The following RNF169 variants were observed in gnomAD, a reference collection of about 807,000 sequenced individuals.
RNF169 encodes E3 ubiquitin-protein ligase RNF169.
RNF169 carries 24 observed loss-of-function variants against 53.9 expected under a neutral mutation model. That is an observed-to-expected ratio of 0.45 (90% CI 0.32 to 0.63). The LOEUF (loss-of-function observed/expected upper bound fraction) is 0.63, where lower values mean the gene tolerates loss of function less well. Ranked by LOEUF, RNF169 falls within the 20% of genes least tolerant of loss-of-function variation. RNF169 has a pLI of 0.04. For missense variants in RNF169, 883 were observed against 906.2 expected, an observed-to-expected ratio of 0.97 and a Z score of 0.33; for synonymous variants, 396 against 363.5, an observed-to-expected ratio of 1.09 and a Z score of -1.02.
intron 1 of RNF169, among the ~76,000 whole-genome samples, chr11:74,787,839 A>G (rs1434037106): frequency 3.3e-5 from 5 of 152,218 alleles, no homozygotes; most frequent in African/African-American, 9.6e-5. Context: ...AATGATATAT[A>G]TGCAAGATAT....
intron 1 of RNF169, among the ~76,000 whole-genome samples, chr11:74,779,516 A>G (rs2035385731): frequency 1.3e-5 from 2 of 152,302 alleles, no homozygotes; most frequent in African/African-American, 2.4e-5. Flanking sequence ...TTTGTTTAAG[A>G]CAGTCGGTAC....
intron 2 of RNF169, among the ~76,000 whole-genome samples, chr11:74,809,222 C>T (rs2035843172): frequency 6.6e-6 from 1 of 151,726 alleles, no homozygotes. Flanking sequence ...TATTAGTAGC[C>T]TATAATTGCT....
intron 2 of RNF169, among the ~76,000 whole-genome samples, chr11:74,798,088 T>C (rs2035674878): frequency 6.6e-6 from 1 of 152,160 alleles, no homozygotes; most frequent in Non-Finnish European, 1.5e-5. Flanking sequence ...CATGTAATAA[T>C]TGCATTAACT....
intron 4 of RNF169, among the ~76,000 whole-genome samples, chr11:74,833,466 CAGG>C (rs1311072362): frequency 6.6e-6 from 1 of 152,196 alleles, no homozygotes; most frequent in African/African-American, 2.4e-5. Flanking sequence ...GAACATGCTA[CAGG>C]AGGACTTTTC....
intron 1 of RNF169, among the ~76,000 whole-genome samples, chr11:74,760,245 T>C (rs1158696674): frequency 6.6e-6 from 1 of 152,180 alleles, no homozygotes; most frequent in African/African-American, 2.4e-5. Context: ...ATTTTGTTGA[T>C]CCTTTCAAAA....
chr11:74,796,680 GA>G (rs2035654011), intron 2 of RNF169, among the ~76,000 whole-genome samples: 3 of 151,922 alleles, frequency 2.0e-5, no homozygotes, highest in African/African-American at 7.3e-5. Flanking sequence ...TGGGGGAAAA[GA>G]TTGAAGGTGG....
rs561891285 is a variant in RNF169, at chr11:74,835,802, G to T, written c.1199G>T (p.Arg400Leu). 1 of 1,614,148 alleles carries T rather than the reference G, an allele frequency of 6.2e-7. No individual in the cohort carries two copies. The highest frequency in any genetic ancestry group is 2.2e-5 in the East Asian group (1 of 44,892). The change falls in exon 6 of 6, where the codon CGT becomes CTT. Residue 400 changes from arginine (R) to leucine (L), a missense_variant. Coordinates refer to ENST00000299563, the MANE Select transcript of RNF169 (RefSeq NM_001098638.2). ...CCTCCCAAGAGACTCCCTGATGGCCGTGTGCTAAGTCCTCTCATCATCAAA... is the reference window on the plus strand; with the variant it reads ...CCTCCCAAGAGACTCCCTGATGGCCTTGTGCTAAGTCCTCTCATCATCAAA... The part of the protein sequence containing the change: ...CTPPKRLPDG[R>L]VLSPLIIKST...
intron 2 of RNF169, among the ~76,000 whole-genome samples, chr11:74,793,292 G>C (rs2135089686): frequency 6.6e-6 from 1 of 152,290 alleles, no homozygotes; most frequent in Non-Finnish European, 1.5e-5. Context: ...TTCTAAAACA[G>C]ATCTCAGTAG....
chr11:74,837,602 A>C lies in RNF169; in HGVS notation c.*872A>C, dbSNP rs1024707081. 1.3e-5 allele frequency: 2 copies of C among 152,248 alleles called. No individual in the cohort carries two copies. Among genetic ancestry groups the C allele is most frequent in the Non-Finnish European group, 2.9e-5 (2 of 68,042 alleles). The allele number at this position is 152,248 out of a possible 1,614,324, so 9.4% of individuals were successfully genotyped here. A position where few individuals can be genotyped will look rare whatever the true frequency, so the allele number is the denominator to read the frequency against. On this transcript the variant is annotated 3_prime_UTR_variant, in exon 6 of 6. Coordinates refer to ENST00000299563, the MANE Select transcript of RNF169 (RefSeq NM_001098638.2). The stretch of plus-strand genomic sequence containing the variant: ...TATATGTGCATTATCCCCATCCCCC[A>C]CAGTTTAGAGCCTTCTGCTTTTCTG...
At chr11:74,828,341 A>C (rs904423056) in intron 4 of RNF169, among the ~76,000 whole-genome samples, 1 of 152,212 alleles carries the variant, frequency 6.6e-6, no homozygotes, top group African/African-American at 2.4e-5. Flanking sequence ...GACCCAAACA[A>C]ATGGAAAAAC....
chr11:74,768,980 C>T (rs995826976), intron 1 of RNF169, among the ~76,000 whole-genome samples: 4 of 151,948 alleles, frequency 2.6e-5, no homozygotes, highest in East Asian at 1.9e-4. Context: ...CCAGGAGTTT[C>T]GGGCTGCAGT....
chr11:74,754,625 A>C (rs1565168159), intron 1 of RNF169, among the ~76,000 whole-genome samples: 1 of 152,182 alleles, frequency 6.6e-6, no homozygotes, highest in Non-Finnish European at 1.5e-5. Context: ...GTTTGAGACC[A>C]GCCTGGCCAA....
chr11:74,756,000 GAT>G (rs1056775990), intron 1 of RNF169, among the ~76,000 whole-genome samples: 3 of 152,152 alleles, frequency 2.0e-5, no homozygotes, highest in African/African-American at 7.2e-5. Flanking sequence ...GAAGAGGAAA[GAT>G]GTGAGTAGAA....
chr11:74,799,268 G>A (rs2035695525), intron 2 of RNF169, among the ~76,000 whole-genome samples: 1 of 151,934 alleles, frequency 6.6e-6, no homozygotes. Context: ...TAAGGAGAAG[G>A]AAAAATTCTC....
intron 1 of RNF169, among the ~76,000 whole-genome samples, chr11:74,775,241 A>G (rs534896265): frequency 8.1e-4 from 124 of 152,258 alleles, no homozygotes; most frequent in African/African-American, 2.8e-3. Flanking sequence ...GTAAAGGAAG[A>G]TGAGGTCTGA....
chr11:74,822,407 G>A (rs503855), intron 4 of RNF169, among the ~76,000 whole-genome samples: 40,183 of 151,984 alleles, frequency 0.26, 5,561 homozygotes, highest in South Asian at 0.42. Flanking sequence ...CTAACTAGAC[G>A]TCCCAGAAAC....
rs1170813908 is a variant in RNF169, at chr11:74,839,879, A to G, written c.*3149A>G. 1 of 152,214 alleles carries G rather than the reference A, an allele frequency of 6.6e-6. No homozygotes were observed. Among genetic ancestry groups the G allele is most frequent in the South Asian group, 2.1e-4 (1 of 4,834 alleles). 9.4% of individuals were successfully genotyped at this position (152,214 alleles called of 1,614,324 possible). A position where few individuals can be genotyped will look rare whatever the true frequency, so the allele number is the denominator to read the frequency against. ...CTTTAATCTATTTGCCTCTTTTTAA[A>G]AAAGGTTAAGTCTTCTTGGGTGAGG... On this transcript the variant is annotated 3_prime_UTR_variant, in exon 6 of 6. Coordinates refer to ENST00000299563, the MANE Select transcript of RNF169 (RefSeq NM_001098638.2).
rs918153504 is a variant in RNF169 at position 74,836,876 on chromosome 11, A to G, written c.*146A>G. The G allele has an allele frequency of 6.9e-5, 44 of 642,184 alleles. No individual in the cohort carries two copies. The highest frequency in any genetic ancestry group is 4.3e-4 in the Middle Eastern group (1 of 2,302). The allele number at this position is 642,184 out of a possible 1,614,324, so 39.8% of individuals were successfully genotyped here. On this transcript the variant is annotated 3_prime_UTR_variant, in exon 6 of 6. Coordinates refer to ENST00000299563, the MANE Select transcript of RNF169 (RefSeq NM_001098638.2). Reference sequence around the variant, plus strand: ...AGAGGTTCCAGGGCCTTTGTAGTCAATATCCAAGGGAAAAGCATCTCCGTT... The same window carrying G: ...AGAGGTTCCAGGGCCTTTGTAGTCAGTATCCAAGGGAAAAGCATCTCCGTT...
chr11:74,813,220 T>C (rs1309791015), intron 3 of RNF169, among the ~76,000 whole-genome samples: 1 of 152,222 alleles, frequency 6.6e-6, no homozygotes, highest in East Asian at 1.9e-4. Context: ...CTCTACTAGA[T>C]TGTAAGTTTG....
Sources: allele counts gnomAD v4.1 joint callset (sites outside exome capture counted in the v4.1 genomes callset), GRCh38; gene constraint gnomAD v4.1.1; transcripts MANE v1.5; gene names NCBI Gene and HGNC (gene_info 2026-07-23, HGNC 2026-07-21).